Variants in SERAC1 observed in about 807,000 individuals in gnomAD.
SERAC1 encodes protein SERAC1.
Under a neutral mutation model 85.7 loss-of-function variants are expected in SERAC1, and 36 were observed. The observed-to-expected ratio is 0.42, with a 90% confidence interval of 0.32 to 0.55. SERAC1 has a LOEUF of 0.55. Ranked by LOEUF, SERAC1 falls within the 20% of genes least tolerant of loss-of-function variation. The pLI is 0.11. For missense variants in SERAC1, 629 were observed against 796.2 expected, an observed-to-expected ratio of 0.79 and a Z score of 2.53; for synonymous variants, 242 against 265.3, an observed-to-expected ratio of 0.91 and a Z score of 0.85.
chr6:158,131,455 TTA>T (rs1185596540), intron 8 of SERAC1, among the ~76,000 whole-genome samples: 1 of 129,814 alleles, frequency 7.7e-6, no homozygotes, highest in Non-Finnish European at 1.6e-5. Flanking sequence ...ATATAATTCA[TTA>T]TATATAAAAT....
At chr6:158,163,463 C>T (rs1463110346) in intron 1 of SERAC1, among the ~76,000 whole-genome samples, 2 of 152,024 alleles carry the variant, frequency 1.3e-5, no homozygotes, top group Non-Finnish European at 2.9e-5. Flanking sequence ...TTTGGGAGGC[C>T]AAGGTGGGAT....
chr6:158,140,101 G>A (rs1304702093), intron 8 of SERAC1, among the ~76,000 whole-genome samples: 1 of 152,194 alleles, frequency 6.6e-6, no homozygotes, highest in African/African-American at 2.4e-5. Flanking sequence ...CATAAATGTT[G>A]ATATTGAGAT....
chr6:158,136,717 T>A (rs190838769), intron 8 of SERAC1, among the ~76,000 whole-genome samples: 3 of 152,294 alleles, frequency 2.0e-5, no homozygotes, highest in Non-Finnish European at 4.4e-5. Context: ...TGGGGACCAC[T>A]ATGAGGCAGG....
At chr6:158,155,249 C>T in intron 3 of SERAC1, 66 bp downstream of exon 3, 1 of 1,107,996 alleles carries the variant, frequency 9.0e-7, no homozygotes, top group Non-Finnish European at 1.4e-6. Flanking sequence ...ACCTGTCAAT[C>T]ACTGCCATTG....
intron 16 of SERAC1, 125 bp downstream of exon 16, chr6:158,113,324 C>A: frequency 1.3e-6 from 1 of 743,348 alleles, no homozygotes. Context: ...TAAAAGAAAT[C>A]AAATCTAGAC....
chr6:158,152,591 A>C (rs1785233221), intron 3 of SERAC1, among the ~76,000 whole-genome samples: 1 of 152,114 alleles, frequency 6.6e-6, no homozygotes, highest in South Asian at 2.1e-4. Flanking sequence ...GTAATGTCCT[A>C]GGCCCTCACT....
chr6:158,163,987 G>A (rs1252634068), intron 1 of SERAC1, among the ~76,000 whole-genome samples: 4 of 151,416 alleles, frequency 2.6e-5, no homozygotes, highest in Non-Finnish European at 4.4e-5. Context: ...CACCCGCCTC[G>A]GCTTCCCAAA....
At chr6:158,142,402 C>T (rs1238631007) in intron 8 of SERAC1, among the ~76,000 whole-genome samples, 1 of 152,040 alleles carries the variant, frequency 6.6e-6, no homozygotes, top group East Asian at 1.9e-4. Context: ...TGGCCTCAGG[C>T]AATCCTCCTG....
chr6:158,138,848 A>G (rs1209308730), intron 8 of SERAC1, among the ~76,000 whole-genome samples: 2 of 152,234 alleles, frequency 1.3e-5, no homozygotes, highest in Non-Finnish European at 2.9e-5. Context: ...GTTTGACACC[A>G]ACAGCACAAA....
At chr6:158,121,146 TTTG>T (rs1784412555) in intron 10 of SERAC1, among the ~76,000 whole-genome samples, 1 of 152,136 alleles carries the variant, frequency 6.6e-6, no homozygotes, top group Non-Finnish European at 1.5e-5. Context: ...TTTTAATGTT[TTTG>T]TTTTTAAAAC....
chr6:158,113,496 T>C lies in SERAC1; in HGVS notation c.1781A>G (p.Tyr594Cys). ...ATGGAGCTTAATCATGCTGCCAATG[T>C]AGGTTGGTAGTGTTTCCACAAAATT... ...VLNFVETLPT[Y>C]IGSMIKLHVV... The change falls in exon 16 of 17, where the codon TAC (tyrosine) becomes TGC (cysteine). Residue 594 changes from tyrosine to cysteine, a missense_variant. Tyr to Cys is a radical substitution (Grantham distance 194). Transcript: ENST00000647468. 6.2e-7 allele frequency: 1 copy of C among 1,614,006 alleles called. No individual in the cohort carries two copies. The highest frequency in any genetic ancestry group is 8.5e-7 in the Non-Finnish European group (1 of 1,179,916).
Position 158,120,394 on chromosome 6 carries a change from G to A in SERAC1, c.1166+31C>T. ...GCCTCTAGGCTTCACATTTCCAAAG[G>A]GGACAAAGCAACTCTCTTCTGCTTC... On this transcript the variant is annotated intron_variant, in intron 11 of 16. Transcript: ENST00000647468. The surrounding 1 kb of genome is among the most constrained non-coding windows in gnomAD (Gnocchi z 4.4). 1.3e-6 allele frequency: 2 copies of A among 1,577,958 alleles called. No individual in the cohort carries two copies. The highest frequency in any genetic ancestry group is 1.7e-6 in the Non-Finnish European group (2 of 1,159,206).
intron 8 of SERAC1, among the ~76,000 whole-genome samples, chr6:158,136,528 AG>A (rs1438926219): frequency 6.6e-6 from 1 of 152,132 alleles, no homozygotes; most frequent in Non-Finnish European, 1.5e-5. Flanking sequence ...TATGTTGCCC[AG>A]GTTGGAGTGC....
chr6:158,135,532 CA>C (rs1240395375), intron 8 of SERAC1, among the ~76,000 whole-genome samples: 2 of 147,902 alleles, frequency 1.4e-5, no homozygotes, highest in Non-Finnish European at 3.0e-5. Context: ...GACTTCATCT[CA>C]AAAAAAAAGC....
At chr6:158,134,994 C>T (rs548483885) in intron 8 of SERAC1, among the ~76,000 whole-genome samples, 1 of 152,210 alleles carries the variant, frequency 6.6e-6, no homozygotes, top group African/African-American at 2.4e-5. Context: ...GGGAAGGACA[C>T]AAAATCACCT....
At chr6:158,150,137 T>C (rs186583156) in intron 4 of SERAC1, among the ~76,000 whole-genome samples, 2 of 152,320 alleles carry the variant, frequency 1.3e-5, no homozygotes, top group African/African-American at 4.8e-5. Flanking sequence ...AATTACAAAA[T>C]CATGTTTTTT....
chr6:158,155,308 G>A lies in SERAC1; in HGVS notation c.128+7C>T, dbSNP rs534122082. On this transcript the variant is annotated splice_region_variant and intron_variant, in intron 3 of 16. Transcript: ENST00000647468. ...AGCCAATTAATATTCCACAGTTGAC[G>A]ACTTACCCTAAAATAAGTGATCCAG... 2.9e-5 allele frequency: 44 copies of A among 1,539,154 alleles called. No individual in the cohort carries two copies. The highest frequency in any genetic ancestry group is 1.2e-4 in the African/African-American group (9 of 73,340).
At chr6:158,122,957 A>G (rs1013527436) in intron 10 of SERAC1, among the ~76,000 whole-genome samples, 5 of 152,178 alleles carry the variant, frequency 3.3e-5, no homozygotes, top group African/African-American at 1.2e-4. Flanking sequence ...ACCACTATTC[A>G]TTCCTATTGG....
At chr6:158,111,543 T>C (rs749119853) in intron 16 of SERAC1, 41 bp from the exon 17 acceptor site, 3 of 1,507,702 alleles carry the variant, frequency 2.0e-6, no homozygotes, top group African/African-American at 2.8e-5. Flanking sequence ...AGTAAAAATA[T>C]AAGCTTTCCC....
Sources: gnomAD v4.1 joint callset for allele counts (sites outside exome capture counted in the v4.1 genomes callset) on GRCh38, gnomAD v4.1.1 for gene constraint, Gnocchi (gnomAD v3.1) non-coding constraint, MANE v1.5 for transcripts, NCBI Gene and HGNC (gene_info 2026-07-23, HGNC 2026-07-21) for gene names.